The following TTLL11 variants were observed in gnomAD, a reference collection of about 807,000 sequenced individuals.
The protein encoded by TTLL11 is tubulin polyglutamylase TTLL11.
TTLL11 carries 42 observed loss-of-function variants against 51.7 expected under a neutral mutation model. The observed-to-expected ratio is 0.81, with a 90% CI of 0.64 to 1.05. TTLL11 has a LOEUF of 1.05. Among genes scored for constraint, TTLL11 ranks in the 50% least tolerant of loss-of-function variants. TTLL11 has a pLI of 0.00. For synonymous variants in TTLL11, 381 were observed against 383.5 expected, an observed-to-expected ratio of 0.99 and a Z score of 0.08; for missense variants, 799 against 940.4, an observed-to-expected ratio of 0.85 and a Z score of 1.97.
chr9:122,046,847 T>G (rs1845020028), intron 1 of TTLL11, among the ~76,000 whole-genome samples: 1 of 152,106 alleles, frequency 6.6e-6, no homozygotes, highest in Admixed American at 6.5e-5. Context: ...ATGGAAGGGC[T>G]TAGTACATGC....
intron 6 of TTLL11, among the ~76,000 whole-genome samples, chr9:121,968,187 C>T (rs537014505): frequency 6.6e-6 from 1 of 152,336 alleles, no homozygotes; most frequent in South Asian, 2.1e-4. Context: ...CCATAAGCTT[C>T]CTGCTTCGCA....
intron 3 of TTLL11, among the ~76,000 whole-genome samples, chr9:122,027,286 A>C (rs1458475161): frequency 1.3e-5 from 2 of 152,176 alleles, no homozygotes; most frequent in Admixed American, 1.3e-4. Flanking sequence ...CCTCCAACAC[A>C]GGGGAATTAC....
chr9:121,819,993 C>T lies in TTLL11; in HGVS notation c.*2594G>A, dbSNP rs1017091244. 6.6e-6 allele frequency among the ~76,000 whole-genome samples: 1 copy of T among 152,186 alleles called. No homozygotes were observed. Among genetic ancestry groups the T allele is most frequent in the African/African-American group, 2.4e-5 (1 of 41,448 alleles). ...CTCTCATAAAACCACAGCCTCATTT[C>T]CCTAACAATCAGCAGGGAGGCTCTG... is the stretch of plus-strand genomic sequence containing the variant. On this transcript the variant is annotated 3_prime_UTR_variant, in exon 9 of 9. Coordinates refer to ENST00000321582, the MANE Select transcript of TTLL11 (RefSeq NM_001139442.2).
intron 1 of TTLL11, 103 bp from the exon 2 acceptor site, chr9:122,039,471 G>T: frequency 1.2e-6 from 1 of 823,824 alleles, no homozygotes; most frequent in Non-Finnish European, 2.0e-6. Flanking sequence ...TACTTACCAT[G>T]GTTTAATCCT....
At chr9:122,018,564 C>A (rs900330087) in intron 3 of TTLL11, among the ~76,000 whole-genome samples, 2 of 152,180 alleles carry the variant, frequency 1.3e-5, no homozygotes, top group Non-Finnish European at 2.9e-5. Flanking sequence ...CTCACTTGCT[C>A]TAAGGCTAGG....
At chr9:121,836,413 A>G (rs961152056) in intron 8 of TTLL11, among the ~76,000 whole-genome samples, 4 of 152,110 alleles carry the variant, frequency 2.6e-5, no homozygotes, top group African/African-American at 9.7e-5. Context: ...CAGCCCCCCA[A>G]CTTGGTTGCT....
chr9:122,001,446 T>A (rs1843464290), intron 3 of TTLL11, among the ~76,000 whole-genome samples: 1 of 142,092 alleles, frequency 7.0e-6, no homozygotes, highest in Non-Finnish European at 1.5e-5. Context: ...GATCTGAGAC[T>A]GAGCAAAGCC....
At position 121,969,885 on chromosome 9, in the gene TTLL11, G is replaced by A. The variant is rs564137866; in HGVS notation, c.1481+4124C>T. Among the ~76,000 whole-genome samples the A allele has an allele frequency of 3.3e-5, 5 of 152,286 alleles. No homozygotes were observed. In the South Asian group the frequency reaches 8.3e-4, roughly 25 times the overall value. On this transcript the variant is annotated intron_variant, in intron 6 of 8. Coordinates refer to ENST00000321582, the MANE Select transcript of TTLL11 (RefSeq NM_001139442.2). ...TCAACTTATTCTGAAACATTTCTAC[G>A]CAAAGGAGTTGAGAATAATTTCAGC...
At position 121,816,140 on chromosome 9, in the gene TTLL11, C is replaced by A. The variant is rs1836399259; in HGVS notation, c.*6447G>T. ...CTGGCCCGTGGTCATTTAGGCAGAG[C>A]GCAACAGATAGAACAAAGTGCATAT... is the stretch of plus-strand genomic sequence containing the variant. On this transcript the variant is annotated 3_prime_UTR_variant, in exon 9 of 9. Transcript: ENST00000321582. 6.6e-6 allele frequency: 1 copy of A among 152,218 alleles called. No individual in the cohort carries two copies. The allele number at this position is 152,218 out of a possible 1,614,324, so 9.4% of individuals were successfully genotyped here.
chr9:122,022,358 A>G (rs1844206603), intron 3 of TTLL11, among the ~76,000 whole-genome samples: 1 of 152,078 alleles, frequency 6.6e-6, no homozygotes, highest in African/African-American at 2.4e-5. Flanking sequence ...TTCAACACCA[A>G]TGATAAAGAA....
At chr9:121,918,961 G>C (rs1271731248) in intron 6 of TTLL11, among the ~76,000 whole-genome samples, 1 of 152,236 alleles carries the variant, frequency 6.6e-6, no homozygotes, top group African/African-American at 2.4e-5. Context: ...GTTACCCGTG[G>C]GGCTAGTGGA....
intron 1 of TTLL11, among the ~76,000 whole-genome samples, chr9:122,089,781 T>C (rs1041614036): frequency 6.6e-6 from 1 of 152,106 alleles, no homozygotes; most frequent in African/African-American, 2.4e-5. Flanking sequence ...AGTGAATTGT[T>C]TTTTTAATTT....
At chr9:122,037,249 C>A (rs982129922) in intron 2 of TTLL11, among the ~76,000 whole-genome samples, 2 of 152,172 alleles carry the variant, frequency 1.3e-5, no homozygotes, top group African/African-American at 4.8e-5. Flanking sequence ...CCTAATAAGT[C>A]CTTTAAGTGG....
At chr9:122,027,157 A>T (rs1344199796) in intron 3 of TTLL11, among the ~76,000 whole-genome samples, 4 of 152,144 alleles carry the variant, frequency 2.6e-5, no homozygotes, top group Non-Finnish European at 4.4e-5. Context: ...GGAGCAAGAG[A>T]GAAAGGAGGG....
chr9:121,837,141 T>C lies in TTLL11; in HGVS notation c.1841-14262A>G, dbSNP rs571828503. 4.5e-3 allele frequency among the ~76,000 whole-genome samples: 686 copies of C among 152,324 alleles called. 4 individuals carry two copies. Among genetic ancestry groups the C allele is most frequent in the African/African-American group, 0.016 (651 of 41,562 alleles). On this transcript the variant is annotated intron_variant, in intron 8 of 8. Coordinates refer to ENST00000321582, the MANE Select transcript of TTLL11 (RefSeq NM_001139442.2). Reference sequence around the variant, plus strand: ...ACTGTATAGAATTCCATAGTATAGATGTACCATGAGTTTCTAAAATCCTTC... The same window carrying C: ...ACTGTATAGAATTCCATAGTATAGACGTACCATGAGTTTCTAAAATCCTTC...
intron 6 of TTLL11, among the ~76,000 whole-genome samples, chr9:121,943,387 T>G (rs924882655): frequency 2.0e-5 from 3 of 152,148 alleles, no homozygotes; most frequent in Non-Finnish European, 4.4e-5. Context: ...ATAACTGAAA[T>G]AAGATCTATG....
chr9:121,902,841 C>T (rs746704868), intron 6 of TTLL11, among the ~76,000 whole-genome samples: 6 of 152,138 alleles, frequency 3.9e-5, no homozygotes, highest in African/African-American at 4.8e-5. Context: ...CATTGTAACA[C>T]GTGTTGGGAA....
chr9:122,072,036 A>C (rs1248977596), intron 1 of TTLL11, among the ~76,000 whole-genome samples: 1 of 151,976 alleles, frequency 6.6e-6, no homozygotes, highest in African/African-American at 2.4e-5. Flanking sequence ...TACAAATCAG[A>C]TTTTTCACAC....
rs117062753 is a variant in TTLL11 at position 121,857,258 on chromosome 9, C to T, written c.1840+3079G>A. Among the ~76,000 whole-genome samples the T allele has an allele frequency of 2.0e-3, 311 of 152,340 alleles. 9 individuals carry two copies. In the East Asian group the frequency reaches 0.052, roughly 25 times the overall value. On this transcript the variant is annotated intron_variant, in intron 8 of 8. Transcript: ENST00000321582. ...GGCCCTGTGAGTTGACTTTTATCCT[C>T]CCGCTGCTGCCGTCCCCTCTGACTC... is the stretch of plus-strand genomic sequence containing the variant.
Sources: gnomAD v4.1 joint callset for allele counts (sites outside exome capture counted in the v4.1 genomes callset) on GRCh38, gnomAD v4.1.1 for gene constraint, MANE v1.5 for transcripts, NCBI Gene and HGNC (gene_info 2026-07-23, HGNC 2026-07-21) for gene names.